Variants in TLE1 observed in about 807,000 individuals in gnomAD.
TLE1 encodes the protein transducin-like enhancer protein 1.
In TLE1, 21 loss-of-function variants were observed where a neutral mutation model predicts 89.8. The ratio of observed to expected loss-of-function variants is 0.23; its 90% confidence interval spans 0.17 to 0.34. The LOEUF (loss-of-function observed/expected upper bound fraction) is 0.34. Ranked by LOEUF, TLE1 falls within the 10% of genes least tolerant of loss-of-function variation. The pLI, the probability that TLE1 is intolerant of heterozygous loss-of-function variation, is 1.00. For missense variants in TLE1, 795 were observed against 1,031.2 expected (o/e 0.77, Z 3.14); for synonymous variants, 447 against 407.6 (o/e 1.10, Z -1.16).
intron 6 of TLE1, among the ~76,000 whole-genome samples, chr9:81,639,580 T>TG (rs1344574834): frequency 6.8e-6 from 1 of 148,124 alleles, no homozygotes. Context: ...AAGTTGTTTT[T>TG]TTTTTTTGTT....
At chr9:81,641,978 C>T (rs868418964) in intron 6 of TLE1, among the ~76,000 whole-genome samples, 9 of 152,088 alleles carry the variant, frequency 5.9e-5, no homozygotes, top group African/African-American at 9.6e-5. Flanking sequence ...GCGGAGATCG[C>T]GCCATTGCAC....
At chr9:81,675,689 C>T (rs1183262163) in intron 4 of TLE1, among the ~76,000 whole-genome samples, 1 of 134,002 alleles carries the variant, frequency 7.5e-6, no homozygotes, top group Non-Finnish European at 1.6e-5. Context: ...AGCATAAGGA[C>T]TCACACTAGT....
chr9:81,632,126 G>C lies in TLE1; in HGVS notation c.594+1222C>G, dbSNP rs545892422. 2.8e-5 allele frequency among the ~76,000 whole-genome samples: 3 copies of C among 108,190 alleles called. No homozygotes were observed. In the Admixed American group the frequency reaches 3.1e-4, roughly 11 times the overall value. 71.0% of individuals were successfully genotyped at this position (108,190 alleles called of 152,430 possible). A position where few individuals can be genotyped will look rare whatever the true frequency, so the allele number is the denominator to read the frequency against. ...AGACTATCTATAGGAACCCTGGAAT[G>C]GCAAAACAATAAGGCTTCCTCCATA... On this transcript the variant is annotated intron_variant, in intron 8 of 19. Coordinates refer to ENST00000376499, the MANE Select transcript of TLE1 (RefSeq NM_005077.5).
At chr9:81,675,708 G>GTTTGTTTT (rs1564071195) in intron 4 of TLE1, among the ~76,000 whole-genome samples, 3 of 132,438 alleles carry the variant, frequency 2.3e-5, no homozygotes, top group African/African-American at 9.1e-5. Context: ...GTTTTTTTTT[G>GTTTGTTTT]TTTTTTTTTT....
intron 14 of TLE1, among the ~76,000 whole-genome samples, chr9:81,595,688 G>A (rs553233069): frequency 7.9e-5 from 12 of 151,916 alleles, no homozygotes; most frequent in South Asian, 2.1e-4. Flanking sequence ...GTATGGTGGC[G>A]GGCGCTTGTA....
chr9:81,671,162 T>C (rs1293521477), intron 4 of TLE1, among the ~76,000 whole-genome samples: 2 of 151,470 alleles, frequency 1.3e-5, no homozygotes, highest in Admixed American at 1.3e-4. Flanking sequence ...AGTGAGACTC[T>C]GTCTCAAAAC....
At chr9:81,644,870 T>C (rs1828626284) in intron 6 of TLE1, among the ~76,000 whole-genome samples, 2 of 151,476 alleles carry the variant, frequency 1.3e-5, no homozygotes, top group African/African-American at 4.9e-5. Flanking sequence ...GGTGTGTGCC[T>C]GTAATCCCAA....
intron 8 of TLE1, among the ~76,000 whole-genome samples, chr9:81,625,911 TAAAAAAA>T (rs35467275): frequency 3.4e-5 from 3 of 87,836 alleles, no homozygotes; most frequent in African/African-American, 1.1e-4. Flanking sequence ...CAGAAACTAC[TAAAAAAA>T]AAAAAAAAAA....
chr9:81,682,161 G>A (rs528263987), intron 4 of TLE1, among the ~76,000 whole-genome samples: 15 of 152,130 alleles, frequency 9.9e-5, no homozygotes, highest in Middle Eastern at 6.8e-3. Flanking sequence ...GGCTGAGGCA[G>A]GAGAATTGCT....
chr9:81,653,126 G>A (rs1018568509), intron 5 of TLE1, among the ~76,000 whole-genome samples: 1 of 152,198 alleles, frequency 6.6e-6, no homozygotes, highest in Non-Finnish European at 1.5e-5. Flanking sequence ...TCAAAAGGCA[G>A]ACAAATCTAT....
intron 1 of TLE1, among the ~76,000 whole-genome samples, 186 bp from the exon 2 acceptor site, chr9:81,687,620 G>C (rs1834481955): frequency 6.6e-6 from 1 of 152,138 alleles, no homozygotes; most frequent in South Asian, 2.1e-4. Flanking sequence ...CCGGGCCCCG[G>C]CTTCTAAAGA....
chr9:81,657,093 CTAGT>C (rs1830231817), intron 4 of TLE1, among the ~76,000 whole-genome samples: 1 of 152,184 alleles, frequency 6.6e-6, no homozygotes. Flanking sequence ...AATTCTTCCT[CTAGT>C]TAAACATCTT....
rs921712897 is a variant in TLE1, at chr9:81,593,181, A to G, written c.1425T>C (p.Ala475=). 6.2e-7 allele frequency: 1 copy of G among 1,613,778 alleles called. No homozygotes were observed. The highest frequency in any genetic ancestry group is 1.3e-5 in the African/African-American group (1 of 74,816). ...ALIGPGIPRH[A]RQINTLNHGE... Reference sequence around the variant, plus strand: ...CGTGGTTGAGGGTGTTGATCTGGCGAGCATGCCGGGGGATTCCGGGTCCGA... The same window carrying G: ...CGTGGTTGAGGGTGTTGATCTGGCGGGCATGCCGGGGGATTCCGGGTCCGA... Residue 475 remains alanine (A), a synonymous_variant, in exon 15 of 20, where the codon GCT becomes GCC. Coordinates refer to ENST00000376499, the MANE Select transcript of TLE1 (RefSeq NM_005077.5).
chr9:81,683,675 A>G (rs552342356), intron 4 of TLE1, among the ~76,000 whole-genome samples: 4 of 152,298 alleles, frequency 2.6e-5, no homozygotes, highest in East Asian at 1.9e-4. Flanking sequence ...AGCATTTCCA[A>G]TATCAACTAA....
intron 8 of TLE1, 40 bp downstream of exon 8, chr9:81,633,299 GTGTGTGTGT>G: frequency 1.9e-5 from 7 of 371,740 alleles, no homozygotes; most frequent in Non-Finnish European, 1.9e-5. Flanking sequence ...GTGTGTGTGT[GTGTGTGTGT>G]GTGTGTGTGT....
chr9:81,637,655 T>A (rs1051928151), intron 6 of TLE1, among the ~76,000 whole-genome samples: 1 of 150,754 alleles, frequency 6.6e-6, no homozygotes, highest in African/African-American at 2.4e-5. Context: ...TTTTTTTTTT[T>A]TTTTTTTAAG....
chr9:81,635,970 G>A lies in TLE1; in HGVS notation c.373-1669C>T, dbSNP rs568213129. ...GCCCAAGAGTTTGAGACCAGCCTGG[G>A]CAACATAGGGAGATTCCATCTCTAT... On this transcript the variant is annotated intron_variant, in intron 6 of 19. Coordinates refer to ENST00000376499, the MANE Select transcript of TLE1 (RefSeq NM_005077.5). Among the ~76,000 whole-genome samples the A allele has an allele frequency of 1.5e-4, 23 of 152,136 alleles. No individual in the cohort carries two copies. The South Asian group carries it at 4.8e-3, about 32-fold the overall frequency.
chr9:81,683,666 G>C (rs546124362), intron 4 of TLE1, among the ~76,000 whole-genome samples: 7 of 152,144 alleles, frequency 4.6e-5, no homozygotes, highest in Non-Finnish European at 8.8e-5. Flanking sequence ...GGGTCTGTCA[G>C]CATTTCCAAT....
intron 12 of TLE1, chr9:81,612,350 G>A (rs565841327): frequency 3.7e-5 from 37 of 1,003,694 alleles, no homozygotes; most frequent in African/African-American, 3.6e-4. Context: ...CTTTCAGTCC[G>A]AACTTTCCAT....
Sources: gnomAD v4.1 joint callset for allele counts (sites outside exome capture counted in the v4.1 genomes callset) on GRCh38, gnomAD v4.1.1 for gene constraint, MANE v1.5 for transcripts, NCBI Gene and HGNC (gene_info 2026-07-23, HGNC 2026-07-21) for gene names.